Variants in CDKL3 observed in about 807,000 individuals in gnomAD.
CDKL3 encodes cyclin dependent kinase like 3.
CDKL3 carries 65 observed loss-of-function variants against 69.3 expected under a neutral mutation model. That is an observed-to-expected ratio of 0.94 (90% CI 0.77 to 1.15). The LOEUF is 1.15. Among genes scored for constraint, CDKL3 ranks in the 50% most tolerant of loss-of-function variants. CDKL3 has a pLI of 0.00. For synonymous variants in CDKL3, 202 were observed against 221.6 expected (o/e 0.91, Z 0.79); for missense variants, 652 against 689.2 (o/e 0.95, Z 0.61).
downstream of CDKL3, among the ~76,000 whole-genome samples, chr5:134,296,957 T>C (rs1205505365): frequency 4.7e-5 from 7 of 149,464 alleles, no homozygotes; most frequent in South Asian, 2.1e-4. Context: ...CTTTTCTTTT[T>C]TTTTTTTTTT....
At chr5:134,342,056 T>C (rs1208847309) in intron 4 of CDKL3, among the ~76,000 whole-genome samples, 1 of 152,174 alleles carries the variant, frequency 6.6e-6, no homozygotes, top group Admixed American at 6.5e-5. Context: ...TCCTCATGCA[T>C]GTCCATGTCC....
chr5:134,307,948 T>C, intron 9 of CDKL3, 190 bp downstream of exon 9: 3 of 805,692 alleles, frequency 3.7e-6, no homozygotes, highest in Non-Finnish European at 5.2e-6. Flanking sequence ...AACATCTATA[T>C]GGCCAAGAAA....
chr5:134,366,728 G>T (rs190542056), intron 1 of CDKL3, among the ~76,000 whole-genome samples, 184 bp from the exon 2 acceptor site: 31 of 151,524 alleles, frequency 2.0e-4, no homozygotes, highest in African/African-American at 7.3e-4. Context: ...TGAGTAAGGT[G>T]TCCTTCTGAG....
rs1768454216 is a variant in CDKL3 at position 134,308,340 on chromosome 5, T to C, written c.1162A>G (p.Asn388Asp). 1 of 1,613,906 alleles carries C rather than the reference T, an allele frequency of 6.2e-7. No individual in the cohort carries two copies. Among genetic ancestry groups the C allele is most frequent in the Non-Finnish European group, 8.5e-7 (1 of 1,179,806 alleles). The change falls in exon 9 of 13, where the codon AAT becomes GAT. Residue 388 changes from asparagine (N) to aspartate (D), a missense_variant. By Grantham distance (23) the Asn-to-Asp change is conservative. Transcript: ENST00000265334. Reference protein sequence around the residue: ...YEGGLGQQDANENVHPMSPDT... With the variant: ...YEGGLGQQDADENVHPMSPDT... ...GGAGACATAGGATGAACATTTTCATTTGCATCCTGTTGACCAAGTCCACCT... is the reference window on the plus strand; with the variant it reads ...GGAGACATAGGATGAACATTTTCATCTGCATCCTGTTGACCAAGTCCACCT...
intron 7 of CDKL3, among the ~76,000 whole-genome samples, chr5:134,310,511 G>A (rs1173035854): frequency 4.1e-5 from 6 of 144,842 alleles, no homozygotes; most frequent in African/African-American, 1.3e-4. Context: ...TTTTTGAGAC[G>A]GAGTCTGGCT....
intron 6 of CDKL3, among the ~76,000 whole-genome samples, chr5:134,317,949 G>A (rs1771605129): frequency 6.6e-6 from 1 of 152,076 alleles, no homozygotes; most frequent in African/African-American, 2.4e-5. Flanking sequence ...GCCAGGCACG[G>A]TGGGTCACGC....
intron 6 of CDKL3, among the ~76,000 whole-genome samples, chr5:134,318,478 GTTTT>G (rs1283366342): frequency 6.6e-6 from 1 of 151,662 alleles, no homozygotes; most frequent in African/African-American, 2.4e-5. Flanking sequence ...AATTTCTCCA[GTTTT>G]TTGTTTGTTT....
chr5:134,350,837 AAAAAAAAG>A (rs1402415554), intron 3 of CDKL3, among the ~76,000 whole-genome samples: 7 of 149,124 alleles, frequency 4.7e-5, no homozygotes, highest in South Asian at 2.1e-4. Context: ...AAAAGAAAAA[AAAAAAAAG>A]AAAAAAAGAA....
chr5:134,351,778 T>G (rs981735430), intron 3 of CDKL3, among the ~76,000 whole-genome samples: 1 of 152,158 alleles, frequency 6.6e-6, no homozygotes, highest in African/African-American at 2.4e-5. Flanking sequence ...TTTTTAACAT[T>G]GTTAATTTTA....
At chr5:134,343,253 AC>A (rs1388555900) in intron 4 of CDKL3, among the ~76,000 whole-genome samples, 1 of 152,092 alleles carries the variant, frequency 6.6e-6, no homozygotes, top group African/African-American at 2.4e-5. Context: ...GGACAGCCTT[AC>A]AGATCAATGG....
chr5:134,343,996 C>T (rs889554821), intron 4 of CDKL3, among the ~76,000 whole-genome samples: 2 of 152,202 alleles, frequency 1.3e-5, no homozygotes, highest in African/African-American at 4.8e-5. Flanking sequence ...AGCAGTTACA[C>T]TTACATCTAT....
chr5:134,310,638 C>A (rs1769194725), intron 7 of CDKL3, among the ~76,000 whole-genome samples: 1 of 151,980 alleles, frequency 6.6e-6, no homozygotes, highest in Non-Finnish European at 1.5e-5. Context: ...CAGGCACATG[C>A]CCACGCCCAG....
At chr5:134,309,362 C>T (rs1408622067) in intron 7 of CDKL3, among the ~76,000 whole-genome samples, 1 of 152,170 alleles carries the variant, frequency 6.6e-6, no homozygotes, top group African/African-American at 2.4e-5. Flanking sequence ...GGATTACAAG[C>T]GTCAGCCACT....
At chr5:134,369,518 T>C (rs536477859), upstream of CDKL3, among the ~76,000 whole-genome samples, 3 of 152,282 alleles carry the variant, frequency 2.0e-5, no homozygotes, top group East Asian at 5.8e-4. Context: ...TCCTTGTACC[T>C]CCCTTTCTTC....
In CDKL3 at chr5:134,298,651, C is replaced by T. The variant is rs1439966251; in HGVS notation, c.1779G>A (p.Ter593=). ...TTTGGACTATGTAAAAGAAAAGACACTACCAGAAAAAAAACCTGTTTCTCT... is the reference window on the plus strand; with the variant it reads ...TTTGGACTATGTAAAAGAAAAGACATTACCAGAAAAAAAACCTGTTTCTCT... ...NLKRNRFFFW[*] is the part of the protein sequence containing the mutation. Residue 593 remains the stop codon, a stop_retained_variant, in exon 13 of 13, where the codon TAG becomes TAA. Transcript: ENST00000265334. 2 of 1,612,448 alleles carry T rather than the reference C, an allele frequency of 1.2e-6. No individual in the cohort carries two copies. The highest frequency in any genetic ancestry group is 1.7e-5 in the Admixed American group (1 of 59,734).
At chr5:134,309,670 A>G (rs1012622674) in intron 7 of CDKL3, among the ~76,000 whole-genome samples, 3 of 152,182 alleles carry the variant, frequency 2.0e-5, no homozygotes, top group African/African-American at 4.8e-5. Context: ...ACATCAGCCC[A>G]TGAATGAATT....
intron 12 of CDKL3, chr5:134,299,458 G>A (rs2149410954): frequency 8.7e-7 from 1 of 1,155,256 alleles, no homozygotes; most frequent in Non-Finnish European, 1.1e-6. Flanking sequence ...AATTTTATTA[G>A]GATGTACCAG....
At chr5:134,339,176 A>C (rs1229944305) in intron 4 of CDKL3, among the ~76,000 whole-genome samples, 1 of 152,080 alleles carries the variant, frequency 6.6e-6, no homozygotes, top group Non-Finnish European at 1.5e-5. Context: ...AAAATAAATA[A>C]ATAAATAAAA....
intron 6 of CDKL3, among the ~76,000 whole-genome samples, chr5:134,318,045 C>T (rs1054118527): frequency 3.3e-5 from 5 of 152,004 alleles, no homozygotes; most frequent in African/African-American, 1.2e-4. Context: ...CATGGAGAAA[C>T]CTCGTCTCTA....
Sources: gnomAD v4.1 joint callset for allele counts (sites outside exome capture counted in the v4.1 genomes callset) on GRCh38, gnomAD v4.1.1 for gene constraint, MANE v1.5 for transcripts, NCBI Gene and HGNC (gene_info 2026-07-23, HGNC 2026-07-21) for gene names.